FKBP1B: variants seen among roughly 807,000 people sequenced by gnomAD.
The protein encoded by FKBP1B is peptidyl-prolyl cis-trans isomerase FKBP1B.
Under a neutral mutation model 13.5 loss-of-function variants are expected in FKBP1B, and 4 were observed. The observed-to-expected ratio is 0.30, with a 90% CI of 0.15 to 0.68. The LOEUF (loss-of-function observed/expected upper bound fraction) is 0.68, where lower values mean the gene tolerates loss of function less well. Ranked by LOEUF, FKBP1B falls within the 30% of genes least tolerant of loss-of-function variation. The pLI, the probability that FKBP1B is intolerant of heterozygous loss-of-function variation, is 0.76. For synonymous variants in FKBP1B, 54 were observed against 53.6 expected (o/e 1.01, Z -0.03); for missense variants, 93 against 136.2 (o/e 0.68, Z 1.58).
chr2:24,063,493 C>T lies in FKBP1B; in HGVS notation c.*301C>T, dbSNP rs1238947690. 5.9e-6 allele frequency: 2 copies of T among 339,508 alleles called. No individual in the cohort carries two copies. Among genetic ancestry groups the T allele is most frequent in the Non-Finnish European group, 1.1e-5 (2 of 187,054 alleles). The allele number at this position is 339,508 out of a possible 1,614,324, so 21.0% of individuals were successfully genotyped here. A position where few individuals can be genotyped will look rare whatever the true frequency, so the allele number is the denominator to read the frequency against. ...AGATCTCTTGTTCGCACAATCTACACTGCCTTACCTTCACTTAAACCACAC... is the reference window on the plus strand; with the variant it reads ...AGATCTCTTGTTCGCACAATCTACATTGCCTTACCTTCACTTAAACCACAC... On this transcript the variant is annotated 3_prime_UTR_variant, in exon 4 of 4. Transcript: ENST00000380986.
At chr2:24,051,685 G>A (rs1229560068) in intron 1 of FKBP1B, among the ~76,000 whole-genome samples, 2 of 152,178 alleles carry the variant, frequency 1.3e-5, no homozygotes, top group African/African-American at 4.8e-5. Flanking sequence ...CCCAGATGGT[G>A]TTTTTTCACT....
the FKBP1B span, among the ~76,000 whole-genome samples, chr2:24,034,777 G>C: frequency 6.6e-6 from 1 of 151,942 alleles, no homozygotes; most frequent in Non-Finnish European, 1.5e-5. Context: ...GTTTTGCCAT[G>C]CTGCCCAGGC....
chr2:24,049,310 T>C (rs949134612), upstream of FKBP1B, among the ~76,000 whole-genome samples: 1 of 152,086 alleles, frequency 6.6e-6, no homozygotes, highest in Non-Finnish European at 1.5e-5. Context: ...TCGAGGTTGC[T>C]GTGAGCTATG....
the FKBP1B span, chr2:24,038,346 C>G: frequency 6.2e-7 from 1 of 1,614,120 alleles, no homozygotes; most frequent in Non-Finnish European, 8.5e-7. Context: ...TTTCAGTGTT[C>G]TCTAATCGAA....
the FKBP1B span, chr2:24,038,508 G>T: frequency 1.2e-6 from 2 of 1,614,178 alleles, no homozygotes; most frequent in Non-Finnish European, 1.7e-6. Flanking sequence ...TTCTCGTCAT[G>T]GTAACTGCCT....
upstream of FKBP1B, among the ~76,000 whole-genome samples, chr2:24,045,630 A>G (rs1223477987): frequency 1.3e-5 from 1 of 79,530 alleles, no homozygotes; most frequent in Non-Finnish European, 2.4e-5. Context: ...AGAGAGAGAG[A>G]GAGGAAGGAA....
At chr2:24,060,766 G>A (rs1361096691) in intron 2 of FKBP1B, 48 bp from the exon 3 acceptor site, 2 of 1,386,806 alleles carry the variant, frequency 1.4e-6, no homozygotes, top group Non-Finnish European at 2.1e-6. Flanking sequence ...TGAATTGGGA[G>A]TTTACTCATG....
intron 1 of FKBP1B, among the ~76,000 whole-genome samples, chr2:24,052,961 A>G (rs554941418): frequency 6.6e-6 from 1 of 152,192 alleles, no homozygotes; most frequent in Admixed American, 6.6e-5. Flanking sequence ...TGACACACTG[A>G]GACCCCTACT....
chr2:24,049,206 A>G (rs966130260), upstream of FKBP1B, among the ~76,000 whole-genome samples: 5 of 152,114 alleles, frequency 3.3e-5, no homozygotes, highest in African/African-American at 1.2e-4. Flanking sequence ...ATAAAAATAA[A>G]AAATAAAAGA....
chr2:24,046,119 T>A (rs1195346521), upstream of FKBP1B, among the ~76,000 whole-genome samples: 1 of 51,434 alleles, frequency 1.9e-5, no homozygotes, highest in Non-Finnish European at 4.0e-5. Flanking sequence ...GTTGGGGAGG[T>A]GGGGGTGGGG....
At chr2:24,057,090 G>A (rs923274578) in intron 2 of FKBP1B, among the ~76,000 whole-genome samples, 1 of 152,056 alleles carries the variant, frequency 6.6e-6, no homozygotes, top group East Asian at 1.9e-4. Flanking sequence ...CCCACACTAT[G>A]GCTTGCCTTT....
the FKBP1B span, chr2:24,038,866 G>C: frequency 6.2e-7 from 1 of 1,614,114 alleles, no homozygotes; most frequent in African/African-American, 1.3e-5. Flanking sequence ...CACAGTTGCT[G>C]TGATGGAGCA....
upstream of FKBP1B, chr2:24,047,497 T>C (rs1663666945): frequency 6.6e-6 from 1 of 152,008 alleles, no homozygotes; most frequent in Non-Finnish European, 1.5e-5. Context: ...CGCTCCGAGA[T>C]GGCCCCGTCT....
the FKBP1B span, chr2:24,039,430 G>A: frequency 1.5e-5 from 25 of 1,614,092 alleles, no homozygotes; most frequent in Non-Finnish European, 2.0e-5. Flanking sequence ...GCCATGGATC[G>A]GATGCACTGC....
At chr2:24,049,937 C>A in intron 1 of FKBP1B, 51 bp downstream of exon 1, 1 of 1,337,034 alleles carries the variant, frequency 7.5e-7, no homozygotes, top group Non-Finnish European at 9.6e-7. Context: ...CGGGGCGGAG[C>A]CCGGAGGGCG....
intron 2 of FKBP1B, among the ~76,000 whole-genome samples, chr2:24,057,666 C>T (rs569129768): frequency 6.6e-6 from 1 of 152,164 alleles, no homozygotes; most frequent in South Asian, 2.1e-4. Flanking sequence ...AGCCACCGGG[C>T]CCGGCCACCT....
the FKBP1B span, chr2:24,038,577 C>T: frequency 6.2e-7 from 1 of 1,614,020 alleles, no homozygotes; most frequent in Non-Finnish European, 8.5e-7. Flanking sequence ...TCAAGTAGTC[C>T]TTTTTTCTTA....
At chr2:24,038,338 T>C in the FKBP1B span, 2 of 1,614,224 alleles carry the variant, frequency 1.2e-6, no homozygotes, top group Non-Finnish European at 1.7e-6. Context: ...TTTTGGTCTT[T>C]CAGTGTTCTC....
At chr2:24,036,189 T>C in the FKBP1B span, among the ~76,000 whole-genome samples, 3 of 151,700 alleles carry the variant, frequency 2.0e-5, no homozygotes, top group Non-Finnish European at 2.9e-5. Context: ...GTAGTTAATG[T>C]GGCAAAAATC....
Sources: allele counts gnomAD v4.1 joint callset (sites outside exome capture counted in the v4.1 genomes callset), GRCh38; gene constraint gnomAD v4.1.1; transcripts MANE v1.5; gene names NCBI Gene and HGNC (gene_info 2026-07-23, HGNC 2026-07-21).